Variants in FDX1 observed in about 807,000 individuals in gnomAD.
The protein encoded by FDX1 is adrenodoxin, mitochondrial.
Under a neutral mutation model 14.9 loss-of-function variants are expected in FDX1, and 9 were observed. The ratio of observed to expected loss-of-function variants is 0.60; its 90% CI spans 0.36 to 1.05. The LOEUF (loss-of-function observed/expected upper bound fraction) is 1.05, where lower values mean the gene tolerates loss of function less well. FDX1 is among the 50% of genes least tolerant of loss of function. The probability of loss-of-function intolerance (pLI) is 0.01; values close to 1 mark genes in which losing one functional copy is unlikely to be tolerated. For synonymous variants in FDX1, 92 were observed against 99.4 expected (o/e 0.93, Z 0.44); for missense variants, 204 against 237.2 (o/e 0.86, Z 0.92).
intron 2 of FDX1, among the ~76,000 whole-genome samples, chr11:110,444,538 T>A (rs1946425452): frequency 6.7e-6 from 1 of 150,060 alleles, no homozygotes; most frequent in Admixed American, 6.7e-5. Context: ...ATCACTTGAA[T>A]CTGGGAGGCG....
intron 1 of FDX1, 63 bp downstream of exon 1, chr11:110,430,368 C>A: frequency 9.2e-7 from 1 of 1,084,936 alleles, no homozygotes; most frequent in Non-Finnish European, 1.1e-6. Flanking sequence ...TGGCGCCTGG[C>A]TCTCTGGGCC....
intron 2 of FDX1, among the ~76,000 whole-genome samples, chr11:110,439,906 A>G (rs1326368777): frequency 6.6e-6 from 1 of 152,142 alleles, no homozygotes; most frequent in African/African-American, 2.4e-5. Flanking sequence ...ATAGCCATCA[A>G]TCCCAGCACT....
intron 2 of FDX1, among the ~76,000 whole-genome samples, chr11:110,438,791 T>C (rs922756441): frequency 6.6e-6 from 1 of 152,006 alleles, no homozygotes; most frequent in African/African-American, 2.4e-5. Flanking sequence ...AATGAAGTTA[T>C]TTGTTTTTTG....
intron 2 of FDX1, among the ~76,000 whole-genome samples, chr11:110,442,085 C>T (rs766264929): frequency 4.6e-5 from 7 of 152,208 alleles, no homozygotes; most frequent in Non-Finnish European, 1.0e-4. Context: ...GTACAGAAGT[C>T]AAGAACTGGG....
upstream of FDX1, chr11:110,429,872 C>G: frequency 3.1e-6 from 1 of 321,044 alleles, no homozygotes; most frequent in Non-Finnish European, 5.7e-6. Flanking sequence ...CCCCATGGGA[C>G]CGGGCGGCGT....
chr11:110,435,753 G>A, intron 1 of FDX1, 81 bp from the exon 2 acceptor site: 3 of 1,050,592 alleles, frequency 2.9e-6, no homozygotes, highest in Non-Finnish European at 4.1e-6. Flanking sequence ...TACTCTGGAG[G>A]CCTTATAGGC....
intron 2 of FDX1, among the ~76,000 whole-genome samples, chr11:110,448,706 C>G (rs1946468047): frequency 6.6e-6 from 1 of 152,180 alleles, no homozygotes; most frequent in African/African-American, 2.4e-5. Flanking sequence ...AATTAGTAAG[C>G]ATGCTTTACT....
At chr11:110,436,055 C>A in intron 2 of FDX1, 97 bp downstream of exon 2, 2 of 1,014,546 alleles carry the variant, frequency 2.0e-6, no homozygotes, top group Non-Finnish European at 3.0e-6. Flanking sequence ...TAACCTATAG[C>A]ATGCTATGTA....
intron 2 of FDX1, among the ~76,000 whole-genome samples, chr11:110,444,723 CGTATATATATATATATATATACACGTAT>C (rs1946436076): frequency 4.2e-5 from 1 of 23,918 alleles, no homozygotes; most frequent in African/African-American, 2.6e-4. Flanking sequence ...TATATATATA[CGTATATATATATATATATATACACGTAT>C]ATATATATAT....
chr11:110,455,235 C>T (rs965128405), intron 2 of FDX1, among the ~76,000 whole-genome samples: 3 of 151,538 alleles, frequency 2.0e-5, no homozygotes, highest in South Asian at 2.1e-4. Context: ...TCGAACCTCA[C>T]GTGATCCATC....
At chr11:110,432,771 G>A (rs1423826575) in intron 1 of FDX1, among the ~76,000 whole-genome samples, 1 of 152,146 alleles carries the variant, frequency 6.6e-6, no homozygotes, top group African/African-American at 2.4e-5. Context: ...TCCCAGCATA[G>A]GGTCTACATC....
At chr11:110,452,941 A>G (rs1408534195) in intron 2 of FDX1, among the ~76,000 whole-genome samples, 1 of 152,246 alleles carries the variant, frequency 6.6e-6, no homozygotes, top group East Asian at 1.9e-4. Flanking sequence ...GTAGACTGTG[A>G]CAACAAAGCA....
intron 2 of FDX1, among the ~76,000 whole-genome samples, chr11:110,443,768 G>T (rs950592949): frequency 2.6e-5 from 4 of 151,890 alleles, no homozygotes; most frequent in Non-Finnish European, 5.9e-5. Context: ...CTTTCTGATT[G>T]GTGTGAGATG....
At chr11:110,454,441 T>G (rs1411001240) in intron 2 of FDX1, among the ~76,000 whole-genome samples, 5 of 152,198 alleles carry the variant, frequency 3.3e-5, no homozygotes, top group African/African-American at 1.2e-4. Flanking sequence ...CTCCATTTAA[T>G]GTATAAGTAA....
rs1946566266 is a variant in FDX1 at position 110,463,146 on chromosome 11, A to C, written c.*678A>C. On this transcript the variant is annotated 3_prime_UTR_variant, in exon 4 of 4. Transcript: ENST00000260270. Reference sequence around the variant, plus strand: ...ATCTCTGTTTTGACTAAACTAGAGGAAAAATGATTGGATGTGTTTATTCTT... The same window carrying C: ...ATCTCTGTTTTGACTAAACTAGAGGCAAAATGATTGGATGTGTTTATTCTT... 1 of 152,268 alleles carries C rather than the reference A, an allele frequency of 6.6e-6. No individual in the cohort carries two copies. Among genetic ancestry groups the C allele is most frequent in the Non-Finnish European group, 1.5e-5 (1 of 68,050 alleles). The allele number at this position is 152,268 out of a possible 1,614,324, so 9.4% of individuals were successfully genotyped here.
intron 2 of FDX1, among the ~76,000 whole-genome samples, chr11:110,439,816 C>T (rs1327738543): frequency 6.6e-6 from 1 of 152,120 alleles, no homozygotes; most frequent in African/African-American, 2.4e-5. Context: ...TTAGATCTTA[C>T]ATTTAAGTCT....
intron 2 of FDX1, among the ~76,000 whole-genome samples, chr11:110,450,101 C>G (rs1946476842): frequency 6.6e-6 from 1 of 152,118 alleles, no homozygotes; most frequent in African/African-American, 2.4e-5. Context: ...TTGTGGAAGA[C>G]AAATTTTCCA....
chr11:110,444,337 C>T (rs1030123555), intron 2 of FDX1, among the ~76,000 whole-genome samples: 15 of 151,852 alleles, frequency 9.9e-5, no homozygotes, highest in Admixed American at 3.9e-4. Flanking sequence ...AAGTGCTGTC[C>T]GGGCGCGTTG....
At chr11:110,433,487 T>C (rs1028038913) in intron 1 of FDX1, among the ~76,000 whole-genome samples, 1 of 152,246 alleles carries the variant, frequency 6.6e-6, no homozygotes, top group African/African-American at 2.4e-5. Context: ...TAAAACCTTT[T>C]GGTCTACCTC....
Sources: gnomAD v4.1 joint callset for allele counts (sites outside exome capture counted in the v4.1 genomes callset) on GRCh38, gnomAD v4.1.1 for gene constraint, MANE v1.5 for transcripts, NCBI Gene and HGNC (gene_info 2026-07-23, HGNC 2026-07-21) for gene names.